ABCC4: variants seen among roughly 807,000 people sequenced by gnomAD.
ABCC4 encodes the protein ATP binding cassette subfamily C member 4 (PEL blood group), also known as ATP-binding cassette sub-family C member 4.
ABCC4 carries 102 observed loss-of-function variants against 168.5 expected under a neutral mutation model. That is an observed-to-expected ratio of 0.61 (90% confidence interval 0.52 to 0.71). The LOEUF (loss-of-function observed/expected upper bound fraction) is 0.71, where lower values mean the gene tolerates loss of function less well. Ranked by LOEUF, ABCC4 falls within the 30% of genes least tolerant of loss-of-function variation. The probability of loss-of-function intolerance (pLI) is 0.00; values close to 1 mark genes in which losing one functional copy is unlikely to be tolerated. For missense variants in ABCC4, 1,402 were observed against 1,605.8 expected (o/e 0.87, Z 2.17); for synonymous variants, 617 against 590.7 (o/e 1.04, Z -0.65).
intron 24 of ABCC4, among the ~76,000 whole-genome samples, chr13:95,072,883 A>T (rs1467976499): frequency 1.3e-5 from 2 of 152,234 alleles, no homozygotes; most frequent in Admixed American, 6.5e-5. Context: ...ACCCGTTAAG[A>T]AACAAAATTA....
At position 95,035,848 on chromosome 13, in the gene ABCC4, T is replaced by C. The variant is rs116036708; in HGVS notation, c.3736-1109A>G. 1.3e-3 allele frequency among the ~76,000 whole-genome samples: 194 copies of C among 152,324 alleles called. 1 individual carries two copies. Among genetic ancestry groups the C allele is most frequent in the African/African-American group, 4.4e-3 (183 of 41,580 alleles). ...AGAGTAAATTTATCTTAAGAGAATA[T>C]GCTGAACCTCCAAGCAGGACACAGG... On this transcript the variant is annotated intron_variant, in intron 29 of 30. Coordinates refer to ENST00000645237, the MANE Select transcript of ABCC4 (RefSeq NM_005845.5).
chr13:95,025,257 A>ACACC (rs1566351126), intron 30 of ABCC4, among the ~76,000 whole-genome samples: 2 of 31,640 alleles, frequency 6.3e-5, no homozygotes, highest in Non-Finnish European at 1.1e-4. Flanking sequence ...CCACACACAC[A>ACACC]CACACCCCCA....
chr13:95,096,789 C>T (rs2034614380), intron 20 of ABCC4, among the ~76,000 whole-genome samples: 2 of 152,242 alleles, frequency 1.3e-5, no homozygotes, highest in South Asian at 4.1e-4. Context: ...TCTAGCAGAC[C>T]AGCCTGAAAG....
chr13:95,191,564 CTT>C (rs2038252275), intron 9 of ABCC4, among the ~76,000 whole-genome samples: 2 of 152,144 alleles, frequency 1.3e-5, no homozygotes, highest in South Asian at 2.1e-4. Context: ...TAAGTGCAAA[CTT>C]GTCACAAATT....
chr13:95,256,218 A>G lies in ABCC4; in HGVS notation c.75-8465T>C, dbSNP rs140551691. 3.2e-3 allele frequency among the ~76,000 whole-genome samples: 485 copies of G among 152,312 alleles called. 6 individuals carry two copies. Among genetic ancestry groups the G allele is most frequent in the African/African-American group, 0.01 (419 of 41,576 alleles). On this transcript the variant is annotated intron_variant, in intron 1 of 30. Transcript: ENST00000645237. Reference sequence around the variant, plus strand: ...CTCGCATAGCTGAGACTGGAGGTGCATGCCATCATGCCCGGCTAAGTGAGT... The same window carrying G: ...CTCGCATAGCTGAGACTGGAGGTGCGTGCCATCATGCCCGGCTAAGTGAGT...
intron 20 of ABCC4, chr13:95,096,165 A>G: frequency 3.1e-6 from 2 of 644,682 alleles, no homozygotes; most frequent in Admixed American, 2.5e-5. Flanking sequence ...AGGACAACAC[A>G]GCGAGATCCC....
At chr13:95,062,992 T>G (rs143026773) in intron 25 of ABCC4, 133 bp from the exon 26 acceptor site, 1 of 1,071,306 alleles carries the variant, frequency 9.3e-7, no homozygotes, top group East Asian at 2.6e-5. Flanking sequence ...TCTAAGAGTT[T>G]CCCAACCTCA....
At chr13:95,066,615 ACT>A (rs1861189356) in intron 25 of ABCC4, among the ~76,000 whole-genome samples, 1 of 152,162 alleles carries the variant, frequency 6.6e-6, no homozygotes, top group African/African-American at 2.4e-5. Flanking sequence ...AAGTTATAAA[ACT>A]CTAATGGCTA....
intron 8 of ABCC4, among the ~76,000 whole-genome samples, chr13:95,196,784 A>T (rs975038842): frequency 3.3e-4 from 51 of 152,248 alleles, no homozygotes; most frequent in African/African-American, 1.2e-3. Flanking sequence ...ACCCAATTTC[A>T]CAAGTTTACT....
intron 4 of ABCC4, among the ~76,000 whole-genome samples, chr13:95,229,459 C>A (rs2138741077): frequency 6.6e-6 from 1 of 152,292 alleles, no homozygotes; most frequent in African/African-American, 2.4e-5. Flanking sequence ...CAGAGAGGAG[C>A]ACCAGCAAGC....
At position 95,164,464 on chromosome 13, in the gene ABCC4, C is replaced by T; in HGVS notation, c.2089G>A (p.Gly697Ser). The change falls in exon 16 of 31, where the codon GGT (glycine) becomes AGT (serine). Residue 697 changes from glycine to serine, a missense_variant. Physicochemically the swap from Gly to Ser is moderately conservative, Grantham distance 56. Around this residue, in one of 3 missense-constraint regions of ABCC4, gnomAD observed 1,007 missense variants for 1,127.3 expected, o/e 0.89. Transcript: ENST00000645237. ...AAGTAATTCTTATAGGCCTGAAAACCAACTTTTCCTTCAGAACGGTTCTCC... is the reference window on the plus strand; with the variant it reads ...AAGTAATTCTTATAGGCCTGAAAACTAACTTTTCCTTCAGAACGGTTCTCC... ...SEENRSEGKV[G>S]FQAYKNYFRA... 1.2e-6 allele frequency: 2 copies of T among 1,614,128 alleles called. No homozygotes were observed. Among genetic ancestry groups the T allele is most frequent in the Middle Eastern group, 1.6e-4 (1 of 6,062 alleles).
At position 95,119,752 on chromosome 13, in the gene ABCC4, A is replaced by G. The variant is rs933771098; in HGVS notation, c.2456-3751T>C. 5.3e-5 allele frequency among the ~76,000 whole-genome samples: 8 copies of G among 152,192 alleles called. No homozygotes were observed. The East Asian group carries it at 1.2e-3, about 22-fold the overall frequency. On this transcript the variant is annotated intron_variant, in intron 19 of 30. Coordinates refer to ENST00000645237, the MANE Select transcript of ABCC4 (RefSeq NM_005845.5). The stretch of plus-strand genomic sequence containing the variant: ...ATTCTTTTTTGTAACAAAAAAGTAC[A>G]CTTAAATATGAAGATATTGAGGCAT...
chr13:95,117,940 T>C (rs1406901696), intron 19 of ABCC4, among the ~76,000 whole-genome samples: 2 of 152,076 alleles, frequency 1.3e-5, no homozygotes, highest in East Asian at 1.9e-4. Flanking sequence ...GAAAAAAAGA[T>C]AAAAAGGCTA....
chr13:95,073,823 C>T (rs898460335), intron 23 of ABCC4, among the ~76,000 whole-genome samples: 4 of 152,164 alleles, frequency 2.6e-5, no homozygotes, highest in Non-Finnish European at 5.9e-5. Context: ...TAATACTCTC[C>T]TGCTGAGAAT....
intron 27 of ABCC4, 42 bp downstream of exon 27, chr13:95,053,053 C>T (rs7324065): frequency 0.05 from 76,744 of 1,537,734 alleles, 2,235 homozygotes; most frequent in African/African-American, 0.087. Context: ...TATACACATA[C>T]TGAGGCTAAC....
At chr13:95,206,278 T>C (rs1031973904) in intron 8 of ABCC4, among the ~76,000 whole-genome samples, 2 of 152,192 alleles carry the variant, frequency 1.3e-5, no homozygotes, top group Non-Finnish European at 2.9e-5. Context: ...ACCCCTGCAG[T>C]TACCACCTGT....
At chr13:95,274,441 T>A (rs2040922170) in intron 1 of ABCC4, among the ~76,000 whole-genome samples, 1 of 152,166 alleles carries the variant, frequency 6.6e-6, no homozygotes, top group African/African-American at 2.4e-5. Flanking sequence ...AAGCAGTATT[T>A]CTTCACCTAT....
At chr13:95,157,865 A>T (rs545774935) in intron 19 of ABCC4, among the ~76,000 whole-genome samples, 1 of 151,996 alleles carries the variant, frequency 6.6e-6, no homozygotes, top group South Asian at 2.1e-4. Context: ...AGGTCAGGAG[A>T]TCGAGACCAT....
At chr13:95,143,849 G>A (rs2036399964) in intron 19 of ABCC4, among the ~76,000 whole-genome samples, 1 of 152,204 alleles carries the variant, frequency 6.6e-6, no homozygotes, top group Admixed American at 6.5e-5. Context: ...TGCAGAAGCA[G>A]TAACATTTAC....
Sources: allele counts gnomAD v4.1 joint callset (sites outside exome capture counted in the v4.1 genomes callset), GRCh38; gene constraint gnomAD v4.1.1; regional missense constraint gnomAD v4.1.1; transcripts MANE v1.5; gene names NCBI Gene and HGNC (gene_info 2026-07-23, HGNC 2026-07-21).